The following RAD51B variants were observed in gnomAD, a reference collection of about 807,000 sequenced individuals.
RAD51B encodes RAD51 paralog B, also known as DNA repair protein RAD51 homolog 2.
Under a neutral mutation model 42.2 loss-of-function variants are expected in RAD51B, and 38 were observed. The observed-to-expected ratio is 0.90, with a 90% CI of 0.70 to 1.18. The LOEUF (loss-of-function observed/expected upper bound fraction) is 1.18, where lower values mean the gene tolerates loss of function less well. RAD51B is among the 50% of genes most tolerant of loss of function. RAD51B has a pLI of 0.00. For synonymous variants in RAD51B, 154 were observed against 145.2 expected (o/e 1.06, Z -0.43); for missense variants, 373 against 400.7 (o/e 0.93, Z 0.59).
intron 10 of RAD51B, among the ~76,000 whole-genome samples, chr14:68,507,246 A>G (rs1253312327): frequency 1.3e-5 from 2 of 152,074 alleles, no homozygotes; most frequent in East Asian, 1.9e-4. Flanking sequence ...CTGTTTTAGC[A>G]CCCAATCTGC....
At chr14:67,928,769 C>T (rs1246018500) in intron 7 of RAD51B, among the ~76,000 whole-genome samples, 1 of 150,460 alleles carries the variant, frequency 6.6e-6, no homozygotes, top group Non-Finnish European at 1.5e-5. Context: ...GGGGTTGCTT[C>T]TTACAGGAAA....
downstream of RAD51B, among the ~76,000 whole-genome samples, chr14:68,613,677 A>G (rs966153430): frequency 2.1e-4 from 32 of 151,910 alleles, no homozygotes; most frequent in Non-Finnish European, 3.2e-4. Flanking sequence ...GATGGTCTCG[A>G]TCTCCTGACT....
chr14:68,507,308 G>T (rs767276209), intron 10 of RAD51B, among the ~76,000 whole-genome samples: 1 of 152,122 alleles, frequency 6.6e-6, no homozygotes, highest in East Asian at 1.9e-4. Context: ...GGTTTGAAAC[G>T]CATCTGGCTT....
intron 8 of RAD51B, among the ~76,000 whole-genome samples, chr14:68,314,375 A>G (rs1225213674): frequency 2.6e-5 from 4 of 152,172 alleles, no homozygotes; most frequent in Admixed American, 1.3e-4. Flanking sequence ...AGAAAATGCA[A>G]CCAAATAGTG....
chr14:68,316,907 A>G (rs2082073760), intron 8 of RAD51B, among the ~76,000 whole-genome samples: 1 of 152,236 alleles, frequency 6.6e-6, no homozygotes, highest in Non-Finnish European at 1.5e-5. Context: ...TAATAAATTT[A>G]TAAAGTCTTG....
At chr14:68,422,229 C>T (rs1001262598) in intron 9 of RAD51B, 14 of 921,872 alleles carry the variant, frequency 1.5e-5, no homozygotes, top group Middle Eastern at 2.2e-4. Context: ...TCAGCGGTGG[C>T]GTCCGCAGAG....
At chr14:68,096,274 G>A (rs1368556163) in intron 7 of RAD51B, among the ~76,000 whole-genome samples, 1 of 152,088 alleles carries the variant, frequency 6.6e-6, no homozygotes, top group East Asian at 1.9e-4. Flanking sequence ...TTGTATTCAG[G>A]CTCCTTTTAG....
chr14:68,653,975 C>A (rs921097646), intron 11 of RAD51B, among the ~76,000 whole-genome samples: 2 of 152,168 alleles, frequency 1.3e-5, no homozygotes, highest in Non-Finnish European at 2.9e-5. Flanking sequence ...GTCTAAAGGG[C>A]CTTGTGTGAC....
In RAD51B at chr14:67,999,894, T is replaced by C. The variant is rs548809203; in HGVS notation, c.756+112690T>C. Among the ~76,000 whole-genome samples, 5 of 152,232 alleles carry C rather than the reference T, an allele frequency of 3.3e-5. No individual in the cohort carries two copies. The South Asian group carries it at 1.0e-3, about 32-fold the overall frequency. ...CAAGGACATTCTACTTTTAAGGAAC[T>C]AAATGAGCAAGGGCTCAAAGGTGTA... On this transcript the variant is annotated intron_variant, in intron 7 of 10. Transcript: ENST00000471583.
intron 7 of RAD51B, among the ~76,000 whole-genome samples, chr14:68,263,867 T>A (rs1040029320): frequency 6.6e-6 from 1 of 152,154 alleles, no homozygotes; most frequent in African/African-American, 2.4e-5. Context: ...TCACAAACAA[T>A]GTATAGTAGG....
At chr14:68,087,148 AAGAG>A (rs570721522) in intron 7 of RAD51B, among the ~76,000 whole-genome samples, 7 of 151,716 alleles carry the variant, frequency 4.6e-5, no homozygotes, top group South Asian at 4.2e-4. Context: ...AAAAAAAAAA[AAGAG>A]AGAGAGAGAT....
intron 10 of RAD51B, among the ~76,000 whole-genome samples, chr14:68,527,950 A>G (rs1887039309): frequency 6.6e-6 from 1 of 152,196 alleles, no homozygotes; most frequent in Non-Finnish European, 1.5e-5. Context: ...AAATTTTCCA[A>G]ATTTTCTTTA....
chr14:68,290,075 T>A (rs1161254645), intron 7 of RAD51B, among the ~76,000 whole-genome samples: 1 of 152,184 alleles, frequency 6.6e-6, no homozygotes, highest in Non-Finnish European at 1.5e-5. Context: ...ATAGGATTTA[T>A]AATGTGTCAC....
intron 4 of RAD51B, among the ~76,000 whole-genome samples, chr14:67,856,505 T>C (rs1034229441): frequency 3.9e-5 from 6 of 152,156 alleles, no homozygotes; most frequent in African/African-American, 1.4e-4. Flanking sequence ...CTGGAGGTCA[T>C]TAAAAAATAT....
chr14:67,832,160 G>C (rs1006638784), intron 3 of RAD51B, among the ~76,000 whole-genome samples: 1 of 152,118 alleles, frequency 6.6e-6, no homozygotes, highest in Non-Finnish European at 1.5e-5. Flanking sequence ...GATTTTTACA[G>C]AGGCAAGGTC....
chr14:68,305,645 C>A (rs945453037), intron 8 of RAD51B, among the ~76,000 whole-genome samples: 1 of 152,192 alleles, frequency 6.6e-6, no homozygotes. Flanking sequence ...TCATCATGAT[C>A]TTTGTGATGG....
At chr14:68,505,411 G>T (rs1434550115) in intron 10 of RAD51B, among the ~76,000 whole-genome samples, 1 of 152,302 alleles carries the variant, frequency 6.6e-6, no homozygotes, top group South Asian at 2.1e-4. Flanking sequence ...GTTCAGTGGG[G>T]CACAGTGAGA....
intron 7 of RAD51B, among the ~76,000 whole-genome samples, chr14:68,202,883 T>C (rs966733704): frequency 2.6e-5 from 4 of 152,134 alleles, no homozygotes; most frequent in Non-Finnish European, 5.9e-5. Flanking sequence ...CGCCCAGGCA[T>C]GAATCAACTT....
At chr14:68,661,770 C>T (rs1271326360) in intron 11 of RAD51B, among the ~76,000 whole-genome samples, 7 of 152,122 alleles carry the variant, frequency 4.6e-5, no homozygotes, top group African/African-American at 9.7e-5. Flanking sequence ...GCCCTGGGTG[C>T]GAACATCTCT....
Sources: allele counts gnomAD v4.1 joint callset (sites outside exome capture counted in the v4.1 genomes callset), GRCh38; gene constraint gnomAD v4.1.1; transcripts MANE v1.5; gene names NCBI Gene and HGNC (gene_info 2026-07-23, HGNC 2026-07-21).